Variants in SCAPER observed in about 807,000 individuals in gnomAD.
SCAPER encodes S-phase cyclin A associated protein in the ER.
In SCAPER, 98 loss-of-function variants were observed where a neutral mutation model predicts 182.2. The observed-to-expected ratio is 0.54, with a 90% CI of 0.46 to 0.64. The LOEUF (loss-of-function observed/expected upper bound fraction) is 0.64. SCAPER is among the 30% of genes least tolerant of loss of function. SCAPER has a pLI of 0.00. For missense variants in SCAPER, 1,432 were observed against 1,690.0 expected (o/e 0.85, Z 2.68); for synonymous variants, 605 against 564.6 (o/e 1.07, Z -1.01).
chr15:76,864,648 C>G (rs2072133044), intron 2 of SCAPER, among the ~76,000 whole-genome samples: 1 of 151,664 alleles, frequency 6.6e-6, no homozygotes, highest in Admixed American at 6.6e-5. Context: ...ATAGTACACT[C>G]TAGAGCAAGG....
chr15:76,747,710 T>TC, intron 15 of SCAPER, among the ~76,000 whole-genome samples: 1 of 151,992 alleles, frequency 6.6e-6, no homozygotes, highest in African/African-American at 2.4e-5. Flanking sequence ...ACCTCCCTCC[T>TC]CTCTTACTGC....
At chr15:76,460,829 T>C (rs1224656276) in intron 25 of SCAPER, among the ~76,000 whole-genome samples, 1 of 152,184 alleles carries the variant, frequency 6.6e-6, no homozygotes, top group Non-Finnish European at 1.5e-5. Flanking sequence ...AATTTAAAAC[T>C]TTTGGTAAGC....
At chr15:76,407,101 T>C (rs1211706627) in intron 26 of SCAPER, among the ~76,000 whole-genome samples, 1 of 152,172 alleles carries the variant, frequency 6.6e-6, no homozygotes, top group Non-Finnish European at 1.5e-5. Flanking sequence ...AAAGCTGTAA[T>C]GGCATATGGG....
intron 21 of SCAPER, among the ~76,000 whole-genome samples, chr15:76,652,307 TATAC>T (rs1366536119): frequency 1.0e-4 from 2 of 19,460 alleles, no homozygotes; most frequent in African/African-American, 2.6e-4. Flanking sequence ...TATATATATA[TATAC>T]ACACACACAC....
At chr15:76,831,536 AC>A (rs1016818063) in intron 5 of SCAPER, among the ~76,000 whole-genome samples, 2 of 127,816 alleles carry the variant, frequency 1.6e-5, no homozygotes, top group African/African-American at 6.0e-5. Flanking sequence ...GTGTACACCA[AC>A]CCCTCCCCCT....
chr15:76,712,501 G>A (rs2059643988), intron 17 of SCAPER, among the ~76,000 whole-genome samples: 1 of 152,136 alleles, frequency 6.6e-6, no homozygotes, highest in African/African-American at 2.4e-5. Flanking sequence ...TGATGGGGAT[G>A]GCACTGAATC....
At chr15:76,360,418 G>A (rs549994306) in intron 29 of SCAPER, among the ~76,000 whole-genome samples, 36 of 152,298 alleles carry the variant, frequency 2.4e-4, no homozygotes, top group Middle Eastern at 3.4e-3. Context: ...CCTCCAGCTC[G>A]TCATTGGTAG....
chr15:76,378,944 C>T (rs1371612379), intron 28 of SCAPER, among the ~76,000 whole-genome samples: 1 of 152,170 alleles, frequency 6.6e-6, no homozygotes, highest in Non-Finnish European at 1.5e-5. Context: ...ATGACTTTAG[C>T]TCCTAGCTGT....
chr15:76,824,957 T>C (rs916272521), intron 5 of SCAPER, among the ~76,000 whole-genome samples: 2 of 152,186 alleles, frequency 1.3e-5, no homozygotes, highest in East Asian at 3.8e-4. Context: ...CACTTGCAAG[T>C]TGGCTTGACT....
chr15:76,402,111 A>T (rs1247607430), intron 27 of SCAPER, among the ~76,000 whole-genome samples: 2 of 152,158 alleles, frequency 1.3e-5, no homozygotes, highest in Admixed American at 1.3e-4. Context: ...TGGGCGACAG[A>T]GTGAGTAAGA....
intron 23 of SCAPER, among the ~76,000 whole-genome samples, chr15:76,528,858 G>A (rs777299077): frequency 6.6e-6 from 1 of 152,070 alleles, no homozygotes; most frequent in Non-Finnish European, 1.5e-5. Flanking sequence ...TCCCAACCTA[G>A]CTATGCTCCA....
At chr15:76,440,305 CATT>C (rs2047474087) in intron 25 of SCAPER, among the ~76,000 whole-genome samples, 1 of 152,178 alleles carries the variant, frequency 6.6e-6, no homozygotes, top group Non-Finnish European at 1.5e-5. Context: ...AATTAAAAGT[CATT>C]ATAACTTTTA....
intron 25 of SCAPER, among the ~76,000 whole-genome samples, chr15:76,459,660 C>T (rs2049008149): frequency 6.6e-6 from 1 of 151,028 alleles, no homozygotes; most frequent in African/African-American, 2.4e-5. Flanking sequence ...GTTTCCTTTG[C>T]TGTGTAAAAG....
intron 1 of SCAPER, among the ~76,000 whole-genome samples, chr15:76,894,777 A>G (rs2074341025): frequency 6.6e-6 from 1 of 152,166 alleles, no homozygotes; most frequent in Admixed American, 6.5e-5. Context: ...AACAAATTGA[A>G]TAACTTACAG....
chr15:76,863,916 C>T (rs1235863167), intron 2 of SCAPER, among the ~76,000 whole-genome samples: 1 of 152,106 alleles, frequency 6.6e-6, no homozygotes, highest in Non-Finnish European at 1.5e-5. Context: ...GTAGAGAGAC[C>T]ACACATGGGC....
At chr15:76,533,766 T>A (rs1466497606) in intron 23 of SCAPER, among the ~76,000 whole-genome samples, 1 of 152,034 alleles carries the variant, frequency 6.6e-6, no homozygotes, top group African/African-American at 2.4e-5. Flanking sequence ...ACATGACCAC[T>A]GTGCAAGTAA....
At chr15:76,424,189 C>T (rs1464673531) in intron 26 of SCAPER, among the ~76,000 whole-genome samples, 2 of 152,124 alleles carry the variant, frequency 1.3e-5, no homozygotes, top group East Asian at 3.9e-4. Flanking sequence ...AACTTTGTCT[C>T]ATTGATCTGT....
intron 5 of SCAPER, among the ~76,000 whole-genome samples, chr15:76,809,884 G>C (rs2066459583): frequency 6.6e-6 from 1 of 152,060 alleles, no homozygotes; most frequent in Non-Finnish European, 1.5e-5. Flanking sequence ...CACACACAGG[G>C]GCCCCCATAA....
At chr15:76,672,814 G>A (rs565362027) in intron 20 of SCAPER, among the ~76,000 whole-genome samples, 2 of 151,940 alleles carry the variant, frequency 1.3e-5, no homozygotes, top group South Asian at 2.1e-4. Flanking sequence ...AAAAAGAATC[G>A]CTTCTCAGCC....
Sources: allele counts gnomAD v4.1 joint callset (sites outside exome capture counted in the v4.1 genomes callset), GRCh38; gene constraint gnomAD v4.1.1; transcripts MANE v1.5; gene names NCBI Gene and HGNC (gene_info 2026-07-23, HGNC 2026-07-21).